Variants in EMSY observed in about 807,000 individuals in gnomAD.
The protein encoded by EMSY is BRCA2-interacting transcriptional repressor EMSY.
A neutral mutation model predicts 134.6 loss-of-function variants in EMSY; 26 were observed. The observed-to-expected ratio is 0.19, with a 90% CI of 0.14 to 0.27. The LOEUF (loss-of-function observed/expected upper bound fraction) is 0.27, where lower values mean the gene tolerates loss of function less well. EMSY is among the 10% of genes least tolerant of loss of function. The pLI is 1.00. For missense variants in EMSY, 1,305 were observed against 1,611.4 expected (o/e 0.81, Z 3.26); for synonymous variants, 579 against 577.8 (o/e 1.00, Z -0.03).
At chr11:76,542,289 G>A (rs1314119703) in exon 18 of EMSY, 1 of 1,614,058 alleles carries the variant, frequency 6.2e-7, no homozygotes, top group Admixed American at 1.7e-5. Flanking sequence ...CTCAGTCACA[G>A]ACCGCAACAC....
intron 14 of EMSY, among the ~76,000 whole-genome samples, chr11:76,531,845 C>T (rs1444700219): frequency 6.6e-6 from 1 of 152,116 alleles, no homozygotes; most frequent in Non-Finnish European, 1.5e-5. Context: ...CTGGTGACTT[C>T]TGCTACACAA....
chr11:76,541,041 A>G (rs1043522159), intron 17 of EMSY, among the ~76,000 whole-genome samples: 3 of 152,192 alleles, frequency 2.0e-5, no homozygotes, highest in African/African-American at 7.2e-5. Flanking sequence ...CTTGGCCATC[A>G]TGGCAAAACC....
exon 4 of EMSY, chr11:76,453,356 A>G: frequency 1.2e-6 from 2 of 1,613,128 alleles, no homozygotes; most frequent in Non-Finnish European, 1.7e-6. Flanking sequence ...GGAGAGCAGT[A>G]AACGATGAAC....
At chr11:76,471,963 T>G (rs1338234217) in intron 7 of EMSY, among the ~76,000 whole-genome samples, 1 of 152,194 alleles carries the variant, frequency 6.6e-6, no homozygotes, top group Non-Finnish European at 1.5e-5. Flanking sequence ...TCCTTCTGGT[T>G]TCTGTTCATA....
At chr11:76,463,885 C>T in exon 7 of EMSY, 1 of 1,614,196 alleles carries the variant, frequency 6.2e-7, no homozygotes, top group Non-Finnish European at 8.5e-7. Context: ...CTTCCAGCTC[C>T]TCTCCTGTTG....
chr11:76,500,376 A>G (rs1445555472), intron 9 of EMSY, among the ~76,000 whole-genome samples: 1 of 152,240 alleles, frequency 6.6e-6, no homozygotes, highest in Non-Finnish European at 1.5e-5. Flanking sequence ...AGCATGGAGA[A>G]GTTCAAGACT....
chr11:76,511,496 A>G (rs1186259427), intron 9 of EMSY, among the ~76,000 whole-genome samples: 2 of 152,160 alleles, frequency 1.3e-5, no homozygotes, highest in African/African-American at 4.8e-5. Flanking sequence ...TCAGGAGTTC[A>G]AAACCAGCCT....
intron 8 of EMSY, among the ~76,000 whole-genome samples, chr11:76,490,855 G>GGTGTGT (rs61555535): frequency 6.1e-5 from 9 of 148,596 alleles, no homozygotes; most frequent in South Asian, 2.1e-4. Flanking sequence ...ATTGCTAGGG[G>GGTGTGT]GTGTGTGTGT....
In EMSY at chr11:76,446,890, G is replaced by A; in HGVS notation, c.-39-10G>A. On this transcript the variant is annotated splice_polypyrimidine_tract_variant and intron_variant, in intron 1 of 20. Transcript: ENST00000334736. ...TTTGGTAATTTGACTTTTTTTTTTT[G>A]TTCTGGTAGGGAGGACAAGCTCTTT... The A allele has an allele frequency of 2.1e-6, 3 of 1,456,128 alleles. No individual in the cohort carries two copies. The highest frequency in any genetic ancestry group is 9.3e-7 in the Non-Finnish European group (1 of 1,079,240). 90.2% of individuals were successfully genotyped at this position (1,456,128 alleles called of 1,614,324 possible).
chr11:76,542,719 T>G (rs1174218938), intron 18 of EMSY, among the ~76,000 whole-genome samples: 3 of 150,858 alleles, frequency 2.0e-5, no homozygotes, highest in African/African-American at 7.3e-5. Context: ...TTTAGCTGTT[T>G]GCTGCTGGGT....
In EMSY at chr11:76,452,043, C is replaced by T. The variant is rs1209525633; in HGVS notation, c.170+86C>T. On this transcript the variant is annotated intron_variant, in intron 3 of 20. Transcript: ENST00000334736. ...TATCACTCTCAAATTAAGTAACTGTCAAATTAAGTTGAAGAACAGAGGTGT... is the reference window on the plus strand; with the variant it reads ...TATCACTCTCAAATTAAGTAACTGTTAAATTAAGTTGAAGAACAGAGGTGT... 1.1e-5 allele frequency: 9 copies of T among 837,454 alleles called. No homozygotes were observed. In the Admixed American group the frequency reaches 2.9e-4, roughly 27 times the overall value. The allele number at this position is 837,454 out of a possible 1,614,324, so 51.9% of individuals were successfully genotyped here.
At chr11:76,473,693 C>T (rs188450650) in intron 8 of EMSY, among the ~76,000 whole-genome samples, 3 of 152,016 alleles carry the variant, frequency 2.0e-5, no homozygotes, top group Non-Finnish European at 4.4e-5. Flanking sequence ...GCAATTGCTG[C>T]TTAATAGCAG....
intron 6 of EMSY, among the ~76,000 whole-genome samples, chr11:76,461,751 G>A (rs879800806): frequency 6.6e-6 from 1 of 152,014 alleles, no homozygotes; most frequent in South Asian, 2.1e-4. Context: ...GGCCAACATG[G>A]TGAAACTCTG....
intron 9 of EMSY, among the ~76,000 whole-genome samples, chr11:76,500,092 A>G (rs1194407352): frequency 6.8e-6 from 1 of 146,360 alleles, no homozygotes; most frequent in Non-Finnish European, 1.5e-5. Context: ...AAAAAAAAAA[A>G]CCAAACCCAA....
rs568453920 is a variant in EMSY, at chr11:76,488,332, G to A, written c.1109-7883G>A. Among the ~76,000 whole-genome samples the A allele has an allele frequency of 7.9e-5, 12 of 152,266 alleles. No individual in the cohort carries two copies. In the East Asian group the frequency reaches 2.1e-3, roughly 27 times the overall value. Reference sequence around the variant, plus strand: ...AATGCAAAAATTAGCCAGGCGTGGTGGTGTACACCTGTAATCGTAGCTACT... The same window carrying A: ...AATGCAAAAATTAGCCAGGCGTGGTAGTGTACACCTGTAATCGTAGCTACT... On this transcript the variant is annotated intron_variant, in intron 8 of 20. Transcript: ENST00000334736.
chr11:76,506,695 C>T (rs1950091238), intron 9 of EMSY, among the ~76,000 whole-genome samples: 1 of 152,126 alleles, frequency 6.6e-6, no homozygotes, highest in African/African-American at 2.4e-5. Flanking sequence ...TGGCAAAAAT[C>T]CAACTGCTTG....
intron 11 of EMSY, among the ~76,000 whole-genome samples, chr11:76,518,704 T>TATATATATATATATATATATATATA (rs1555068832): frequency 1.3e-5 from 1 of 78,340 alleles, no homozygotes; most frequent in African/African-American, 5.1e-5. Flanking sequence ...TATATATATA[T>TATATATATATATATATATATATATA]TTTTTTTTTA....
intron 13 of EMSY, among the ~76,000 whole-genome samples, chr11:76,527,050 T>C (rs1950869248): frequency 6.6e-6 from 1 of 152,166 alleles, no homozygotes; most frequent in African/African-American, 2.4e-5. Flanking sequence ...CCTTGAACAA[T>C]AGATAAGCTA....
downstream of EMSY, chr11:76,552,237 G>A (rs1951853451): frequency 6.6e-6 from 1 of 152,158 alleles, no homozygotes; most frequent in Non-Finnish European, 1.5e-5. Context: ...GGATACCATA[G>A]TGAACAAACA....
Sources: gnomAD v4.1 joint callset for allele counts (sites outside exome capture counted in the v4.1 genomes callset) on GRCh38, gnomAD v4.1.1 for gene constraint, MANE v1.5 for transcripts, NCBI Gene and HGNC (gene_info 2026-07-23, HGNC 2026-07-21) for gene names.